Variants in ZNF749 observed in about 807,000 individuals in gnomAD.
The protein encoded by ZNF749 is zinc finger protein 749.
A neutral mutation model predicts 7.3 loss-of-function variants in ZNF749; 8 were observed. That is an observed-to-expected ratio of 1.10 (90% CI 0.64 to 1.98). The LOEUF is 1.98. ZNF749 is among the 30% of genes most tolerant of loss of function. The pLI is 0.00. For synonymous variants in ZNF749, 310 were observed against 322.4 expected, an observed-to-expected ratio of 0.96 and a Z score of 0.41; for missense variants, 898 against 932.4, an observed-to-expected ratio of 0.96 and a Z score of 0.48.
At chr19:57,441,141 G>T (rs934219546) in intron 1 of ZNF749, among the ~76,000 whole-genome samples, 2 of 121,080 alleles carry the variant, frequency 1.7e-5, no homozygotes, top group African/African-American at 6.4e-5. Context: ...AAAAAAAAGA[G>T]GGTAGGGCGC....
intron 1 of ZNF749, chr19:57,437,841 C>T (rs2088950194): frequency 2.8e-6 from 1 of 361,974 alleles, no homozygotes; most frequent in Non-Finnish European, 4.9e-6. Flanking sequence ...ATAGTGTGTA[C>T]TACTTATGCT....
rs573306932 is a variant in ZNF749 at position 57,442,937 on chromosome 19, C to T, written c.143-354C>T. 2.6e-5 allele frequency among the ~76,000 whole-genome samples: 4 copies of T among 152,256 alleles called. No individual in the cohort carries two copies. The highest frequency in any genetic ancestry group is 2.1e-4 in the South Asian group (1 of 4,832). ...TGTACTTTAGGTGTTATGAGGTCTG[C>T]GTGTATCCTTCAGTAGTCCATGAAT... On this transcript the variant is annotated intron_variant, in intron 2 of 2. Coordinates refer to ENST00000334181, the MANE Select transcript of ZNF749 (RefSeq NM_001023561.4). This position sits in a 1 kb window ranked among gnomAD's most constrained non-coding sequence, Gnocchi z 6.6.
chr19:57,437,387 C>T (rs2088945533), intron 1 of ZNF749, among the ~76,000 whole-genome samples: 2 of 152,032 alleles, frequency 1.3e-5, no homozygotes, highest in Admixed American at 1.3e-4. Flanking sequence ...TGTAACTCTG[C>T]TTATAGTACA....
At chr19:57,433,500 T>C (rs1397076653), upstream of ZNF749, among the ~76,000 whole-genome samples, 1 of 152,212 alleles carries the variant, frequency 6.6e-6, no homozygotes, top group Non-Finnish European at 1.5e-5. Context: ...TCCACGTTAG[T>C]GGGATTTCTT....
intron 2 of ZNF749, 148 bp from the exon 3 acceptor site, chr19:57,443,143 A>C: frequency 1.5e-6 from 1 of 672,758 alleles, no homozygotes; most frequent in South Asian, 1.9e-5. Context: ...ACCTCTGAAC[A>C]CTGGGCCTTC....
At chr19:57,429,361 G>C in the ZNF749 span, among the ~76,000 whole-genome samples, 21 of 152,134 alleles carry the variant, frequency 1.4e-4, no homozygotes, top group Admixed American at 1.3e-4. This position sits in a 1 kb window ranked among gnomAD's most constrained non-coding sequence, Gnocchi z 4.2. Flanking sequence ...CCACATTCTG[G>C]CTACTGTGAA....
chr19:57,432,561 T>TAAA (rs750185614), upstream of ZNF749, among the ~76,000 whole-genome samples: 8 of 74,244 alleles, frequency 1.1e-4, no homozygotes, highest in African/African-American at 3.3e-4. Context: ...GACTCTGTCT[T>TAAA]AAAAAAAAAA....
upstream of ZNF749, among the ~76,000 whole-genome samples, chr19:57,433,082 T>C (rs1160090445): frequency 6.6e-6 from 1 of 151,416 alleles, no homozygotes; most frequent in East Asian, 1.9e-4. Context: ...GTATTAGGTA[T>C]GCCATGACTG....
intron 1 of ZNF749, among the ~76,000 whole-genome samples, chr19:57,441,479 G>A (rs1266038071): frequency 6.6e-6 from 1 of 152,128 alleles, no homozygotes; most frequent in African/African-American, 2.4e-5. Context: ...GGGGAATGCC[G>A]TGCTGCACCA....
chr19:57,436,516 A>C lies in ZNF749; in HGVS notation c.15+923A>C, dbSNP rs2088937750. 6.6e-6 allele frequency among the ~76,000 whole-genome samples: 1 copy of C among 152,174 alleles called. No homozygotes were observed. The highest frequency in any genetic ancestry group is 1.5e-5 in the Non-Finnish European group (1 of 68,028). Reference sequence around the variant, plus strand: ...TAAGAGTCTGGTCTGTTTCTGTTGAAAAAGAGGCCTGGATGGATAAGGAGT... The same window carrying C: ...TAAGAGTCTGGTCTGTTTCTGTTGACAAAGAGGCCTGGATGGATAAGGAGT... On this transcript the variant is annotated intron_variant, in intron 1 of 2. Coordinates refer to ENST00000334181, the MANE Select transcript of ZNF749 (RefSeq NM_001023561.4). This position sits in a 1 kb window ranked among gnomAD's most constrained non-coding sequence, Gnocchi z 4.0.
chr19:57,439,289 C>T lies in ZNF749; in HGVS notation c.16-2596C>T, dbSNP rs1341252382. 6.6e-6 allele frequency among the ~76,000 whole-genome samples: 1 copy of T among 151,848 alleles called. No individual in the cohort carries two copies. ...TCTGTATGTGTTTGATCTAGAGCTG[C>T]CTGTATTTTATAACGTAGAGAGCAA... On this transcript the variant is annotated intron_variant, in intron 1 of 2. Coordinates refer to ENST00000334181, the MANE Select transcript of ZNF749 (RefSeq NM_001023561.4). This position sits in a 1 kb window ranked among gnomAD's most constrained non-coding sequence, Gnocchi z 4.3.
chr19:57,429,031 T>TG, the ZNF749 span, among the ~76,000 whole-genome samples: 69 of 152,304 alleles, frequency 4.5e-4, no homozygotes, highest in African/African-American at 1.6e-3. This position sits in a 1 kb window ranked among gnomAD's most constrained non-coding sequence, Gnocchi z 4.2. Flanking sequence ...AATACTTTTT[T>TG]TTGTGTGTGT....
rs773924165 is a variant in ZNF749 at position 57,445,370 on chromosome 19, G to A, written c.2222G>A (p.Arg741His). 4.7e-5 allele frequency: 76 copies of A among 1,613,132 alleles called. No homozygotes were observed. The highest frequency in any genetic ancestry group is 2.1e-5 in the Non-Finnish European group (25 of 1,179,656). The change falls in exon 3 of 3, where the codon CGC becomes CAC. Residue 741 changes from arginine (R) to histidine (H), a missense_variant. Physicochemically the swap from Arg to His is conservative, Grantham distance 29. Coordinates refer to ENST00000334181, the MANE Select transcript of ZNF749 (RefSeq NM_001023561.4). ...KDFNKCNTGQRQKTHTGERSY... is the reference protein window; with the variant it reads ...KDFNKCNTGQHQKTHTGERSY... Reference sequence around the variant, plus strand: ...TTCAACAAATGTAATACTGGTCAGCGCCAAAAAACTCACACTGGAGAAAGG... The same window carrying A: ...TTCAACAAATGTAATACTGGTCAGCACCAAAAAACTCACACTGGAGAAAGG...
Position 57,444,302 on chromosome 19 carries a change from G to A in ZNF749, c.1154G>A (p.Ser385Asn), listed in dbSNP as rs760997579. The change falls in exon 3 of 3, where the codon AGC becomes AAC. Residue 385 changes from serine (S) to asparagine (N), a missense_variant. Transcript: ENST00000334181. ...ACTGGAGAAAGGCCTTTTGAATGCA[G>A]CATATGTGGAAAATTCTTTAGTCAC... ...VHTGERPFEC[S>N]ICGKFFSHRS... The A allele has an allele frequency of 1.2e-6, 2 of 1,614,160 alleles. No individual in the cohort carries two copies. Among genetic ancestry groups the A allele is most frequent in the Admixed American group, 3.3e-5 (2 of 60,014 alleles).
chr19:57,434,308 GCTGGT>G (rs1379815753), upstream of ZNF749, among the ~76,000 whole-genome samples: 1 of 152,140 alleles, frequency 6.6e-6, no homozygotes, highest in Non-Finnish European at 1.5e-5. Context: ...TGTTGGTCAG[GCTGGT>G]CTCGAACTCC....
chr19:57,435,458 A>C lies in ZNF749; in HGVS notation c.-121A>C, dbSNP rs1600100825. On this transcript the variant is annotated 5_prime_UTR_variant, in exon 1 of 3. Coordinates refer to ENST00000334181, the MANE Select transcript of ZNF749 (RefSeq NM_001023561.4). ...AAACGCGAGAAGCGGTGTTCCTTCT[A>C]CACAGAGGCTAGAGTGCGGATCGGC... is the stretch of plus-strand genomic sequence containing the variant. 1.4e-6 allele frequency: 2 copies of C among 1,437,000 alleles called. No homozygotes were observed. Among genetic ancestry groups the C allele is most frequent in the African/African-American group, 2.8e-5 (2 of 70,722 alleles). 89.0% of individuals were successfully genotyped at this position (1,437,000 alleles called of 1,614,324 possible).
At chr19:57,435,925 G>C (rs900315191) in intron 1 of ZNF749, among the ~76,000 whole-genome samples, 1 of 152,210 alleles carries the variant, frequency 6.6e-6, no homozygotes, top group African/African-American at 2.4e-5. Context: ...CGAATGGGAG[G>C]GTCACGCCCA....
chr19:57,430,785 T>C (rs2088895374), upstream of ZNF749, among the ~76,000 whole-genome samples: 3 of 152,140 alleles, frequency 2.0e-5, no homozygotes, highest in Admixed American at 2.0e-4. Context: ...CTCACGCCTG[T>C]AATCCCAGCA....
chr19:57,443,598 G>A lies in ZNF749; in HGVS notation c.450G>A (p.Arg150=). ...FVNHSAHVGE[R]NFTCTQGGKD... ...ACCACAGTGCTCACGTGGGAGAGAG[G>A]AACTTCACATGCACGCAGGGTGGCA... Residue 150 remains arginine (R), a synonymous_variant, in exon 3 of 3, where the codon AGG becomes AGA. Coordinates refer to ENST00000334181, the MANE Select transcript of ZNF749 (RefSeq NM_001023561.4). 1 of 1,614,216 alleles carries A rather than the reference G, an allele frequency of 6.2e-7. No homozygotes were observed. The highest frequency in any genetic ancestry group is 8.5e-7 in the Non-Finnish European group (1 of 1,180,044).
Sources: allele counts gnomAD v4.1 joint callset (sites outside exome capture counted in the v4.1 genomes callset), GRCh38; gene constraint gnomAD v4.1.1; non-coding constraint Gnocchi (gnomAD v3.1); transcripts MANE v1.5; gene names NCBI Gene and HGNC (gene_info 2026-07-23, HGNC 2026-07-21).